The following PAPPA2 variants were observed in gnomAD, a reference collection of about 807,000 sequenced individuals.
The protein encoded by PAPPA2 is pappalysin-2.
PAPPA2 carries 86 observed loss-of-function variants against 176.4 expected under a neutral mutation model. That is an observed-to-expected ratio of 0.49 (90% CI 0.41 to 0.58). The LOEUF is 0.58. PAPPA2 is among the 20% of genes least tolerant of loss of function. The pLI is 0.00. For missense variants in PAPPA2, 2,073 were observed against 2,256.9 expected (o/e 0.92, Z 1.65); for synonymous variants, 809 against 852.2 (o/e 0.95, Z 0.88).
intron 12 of PAPPA2, among the ~76,000 whole-genome samples, chr1:176,717,024 A>G (rs1255358220): frequency 2.0e-5 from 3 of 152,118 alleles, no homozygotes; most frequent in Non-Finnish European, 2.9e-5. Context: ...CTGTCCAAAG[A>G]TTTTTATTCC....
At chr1:176,634,819 T>G (rs1656575102) in intron 3 of PAPPA2, among the ~76,000 whole-genome samples, 1 of 140,804 alleles carries the variant, frequency 7.1e-6, no homozygotes, top group Non-Finnish European at 1.5e-5. Flanking sequence ...GATAGATAGA[T>G]AGATAGATAG....
At chr1:176,803,241 A>G (rs913447716) in intron 21 of PAPPA2, among the ~76,000 whole-genome samples, 1 of 152,174 alleles carries the variant, frequency 6.6e-6, no homozygotes, top group Non-Finnish European at 1.5e-5. Context: ...AGCTATTTTA[A>G]GGAGTTGTTA....
intron 4 of PAPPA2, among the ~76,000 whole-genome samples, chr1:176,680,160 A>G (rs1659513787): frequency 6.6e-6 from 1 of 152,238 alleles, no homozygotes; most frequent in Non-Finnish European, 1.5e-5. Flanking sequence ...ATACTTATGC[A>G]ATACAGATAA....
chr1:176,568,493 G>A (rs1471933042), intron 2 of PAPPA2, among the ~76,000 whole-genome samples: 5 of 152,220 alleles, frequency 3.3e-5, no homozygotes, highest in Non-Finnish European at 7.3e-5. Context: ...TGTGAACCTG[G>A]ACATTTGTCC....
At chr1:176,685,783 TAATGA>T (rs1477684759) in intron 4 of PAPPA2, among the ~76,000 whole-genome samples, 1 of 152,256 alleles carries the variant, frequency 6.6e-6, no homozygotes, top group Non-Finnish European at 1.5e-5. Context: ...TTGTTCCTTT[TAATGA>T]AAAGAAATGC....
At chr1:176,540,259 G>A (rs1236931326) in intron 1 of PAPPA2, among the ~76,000 whole-genome samples, 1 of 152,214 alleles carries the variant, frequency 6.6e-6, no homozygotes, top group African/African-American at 2.4e-5. Context: ...TATTTTGGAG[G>A]CTTGAATAAA....
chr1:176,690,417 C>T lies in PAPPA2; in HGVS notation c.2418C>T (p.Tyr806=), dbSNP rs532709260. Residue 806 remains tyrosine, a synonymous_variant, in exon 5 of 23, where the codon TAC becomes TAT. Coordinates refer to ENST00000367662, the MANE Select transcript of PAPPA2 (RefSeq NM_020318.3). ...TCCCAGGGGCTCCGTTCACCAACTA[C>T]ATGAGCTACACGGGTATCACCACTG... ...TRFPGAPFTN[Y]MSYTDDNCTD... 1.2e-5 allele frequency: 19 copies of T among 1,614,162 alleles called. No individual in the cohort carries two copies. The South Asian group carries it at 1.6e-4, about 14-fold the overall frequency.
At chr1:176,712,494 A>G (rs1345682045) in intron 12 of PAPPA2, among the ~76,000 whole-genome samples, 1 of 152,218 alleles carries the variant, frequency 6.6e-6, no homozygotes, top group Non-Finnish European at 1.5e-5. Context: ...TGTGGGATTC[A>G]TTCATGCTGC....
At chr1:176,806,272 G>C (rs1013246801) in intron 21 of PAPPA2, among the ~76,000 whole-genome samples, 6 of 152,130 alleles carry the variant, frequency 3.9e-5, no homozygotes, top group Non-Finnish European at 7.3e-5. Context: ...TCTTCCAGTA[G>C]TCTACCAACT....
chr1:176,835,750 T>C (rs1209117715), intron 21 of PAPPA2, among the ~76,000 whole-genome samples: 1 of 152,168 alleles, frequency 6.6e-6, no homozygotes, highest in Non-Finnish European at 1.5e-5. Context: ...ATTCCTGACT[T>C]CAGGTGATCC....
intron 12 of PAPPA2, among the ~76,000 whole-genome samples, chr1:176,725,323 T>G (rs1431018050): frequency 1.3e-5 from 2 of 152,216 alleles, no homozygotes; most frequent in Non-Finnish European, 2.9e-5. Flanking sequence ...TGTGCTAATA[T>G]CTATTCTATA....
At chr1:176,836,151 A>C (rs61821310) in intron 21 of PAPPA2, among the ~76,000 whole-genome samples, 10,999 of 152,246 alleles carry the variant, frequency 0.072, 435 homozygotes, top group Non-Finnish European at 0.086. Context: ...ACCATGCCTG[A>C]TTTGGAAAGG....
At chr1:176,551,969 C>G (rs1278439244) in intron 1 of PAPPA2, among the ~76,000 whole-genome samples, 1 of 152,108 alleles carries the variant, frequency 6.6e-6, no homozygotes, top group Non-Finnish European at 1.5e-5. Flanking sequence ...CTTAAAGAGA[C>G]AATGTTGAAG....
intron 1 of PAPPA2, among the ~76,000 whole-genome samples, chr1:176,484,661 C>T (rs1010497969): frequency 6.6e-6 from 1 of 152,196 alleles, no homozygotes. Context: ...TTCTTCATTT[C>T]CCTTAGTGTT....
At chr1:176,683,157 T>C (rs919987600) in intron 4 of PAPPA2, among the ~76,000 whole-genome samples, 2 of 152,156 alleles carry the variant, frequency 1.3e-5, no homozygotes, top group East Asian at 3.9e-4. Flanking sequence ...AAATATAGAA[T>C]CACTTTGGAA....
intron 3 of PAPPA2, among the ~76,000 whole-genome samples, chr1:176,648,878 A>G (rs1326943868): frequency 2.0e-5 from 3 of 151,484 alleles, no homozygotes; most frequent in Admixed American, 2.0e-4. Flanking sequence ...CGTTAGGGAT[A>G]TTGGCCTGTA....
At chr1:176,752,342 T>TAAAAAAAAAAAAAAAA (rs58591760) in intron 14 of PAPPA2, among the ~76,000 whole-genome samples, 1 of 96,488 alleles carries the variant, frequency 1.0e-5, no homozygotes, top group Non-Finnish European at 2.1e-5. Flanking sequence ...TAGAGTATAA[T>TAAAAAAAAAAAAAAAA]AAAAAAAAAA....
At chr1:176,533,855 A>G (rs954754383) in intron 1 of PAPPA2, among the ~76,000 whole-genome samples, 3 of 152,230 alleles carry the variant, frequency 2.0e-5, no homozygotes, top group African/African-American at 7.2e-5. Flanking sequence ...CCAACAGAGC[A>G]GCCACTAGCT....
intron 20 of PAPPA2, among the ~76,000 whole-genome samples, chr1:176,797,597 T>C (rs897992547): frequency 6.6e-6 from 1 of 152,008 alleles, no homozygotes; most frequent in African/African-American, 2.4e-5. Flanking sequence ...CAGTGAGCCA[T>C]GATTGTGCCA....
Sources: gnomAD v4.1 joint callset for allele counts (sites outside exome capture counted in the v4.1 genomes callset) on GRCh38, gnomAD v4.1.1 for gene constraint, MANE v1.5 for transcripts, NCBI Gene and HGNC (gene_info 2026-07-23, HGNC 2026-07-21) for gene names.